CNTN4: variants seen among roughly 807,000 people sequenced by gnomAD.
CNTN4 encodes the protein contactin 4.
Under a neutral mutation model 122.5 loss-of-function variants are expected in CNTN4, and 77 were observed. The observed-to-expected ratio is 0.63, with a 90% CI of 0.52 to 0.76. The LOEUF (loss-of-function observed/expected upper bound fraction) is 0.76, where lower values mean the gene tolerates loss of function less well. Among genes scored for constraint, CNTN4 ranks in the 30% least tolerant of loss-of-function variants. The pLI is 0.00. For missense variants in CNTN4, 1,256 were observed against 1,259.1 expected (o/e 1.00, Z 0.04); for synonymous variants, 512 against 447.0 (o/e 1.15, Z -1.83).
chr3:2,131,226 T>C (rs1389302060), intron 2 of CNTN4, among the ~76,000 whole-genome samples: 1 of 152,142 alleles, frequency 6.6e-6, no homozygotes, highest in East Asian at 1.9e-4. Context: ...AGTAAGAAAG[T>C]GGTAGAGTTA....
chr3:2,428,515 T>C (rs2047932165), intron 3 of CNTN4, among the ~76,000 whole-genome samples: 1 of 152,208 alleles, frequency 6.6e-6, no homozygotes, highest in Non-Finnish European at 1.5e-5. Flanking sequence ...ATTTTTTCCT[T>C]CATTTCAACT....
chr3:2,647,065 G>C (rs1405423821), intron 4 of CNTN4, among the ~76,000 whole-genome samples: 1 of 152,042 alleles, frequency 6.6e-6, no homozygotes, highest in Non-Finnish European at 1.5e-5. Flanking sequence ...TTAAATGTAA[G>C]CATATCTGTG....
chr3:2,600,257 G>A (rs1004543752), intron 4 of CNTN4, among the ~76,000 whole-genome samples: 15 of 151,660 alleles, frequency 9.9e-5, no homozygotes, highest in African/African-American at 3.1e-4. Flanking sequence ...ACAACCTGCA[G>A]GTTTGTTACA....
At chr3:2,601,506 G>T (rs1350600287) in intron 4 of CNTN4, among the ~76,000 whole-genome samples, 1 of 152,096 alleles carries the variant, frequency 6.6e-6, no homozygotes, top group South Asian at 2.1e-4. Context: ...AGATCGGATG[G>T]TTATAGATGT....
intron 13 of CNTN4, among the ~76,000 whole-genome samples, chr3:2,960,345 C>A (rs2094840027): frequency 6.6e-6 from 1 of 152,146 alleles, no homozygotes; most frequent in African/African-American, 2.4e-5. Context: ...TCTATAGGTA[C>A]CGCACGGGCA....
Position 2,416,003 on chromosome 3 carries a change from A to G in CNTN4, c.-89+76770A>G, listed in dbSNP as rs146794437. ...AGGTGAATTGGCATGAGAATTGTTT[A>G]GTCAATCAATAGCCATTTAATAAGC... On this transcript the variant is annotated intron_variant, in intron 3 of 24. Coordinates refer to ENST00000418658, the MANE Select transcript of CNTN4 (RefSeq NM_175607.3). Among the ~76,000 whole-genome samples the G allele has an allele frequency of 1.5e-3, 230 of 152,282 alleles. 1 individual carries two copies. Among genetic ancestry groups the G allele is most frequent in the Middle Eastern group, 6.8e-3 (2 of 294 alleles).
At chr3:2,847,696 T>C (rs1291661827) in intron 7 of CNTN4, among the ~76,000 whole-genome samples, 1 of 152,144 alleles carries the variant, frequency 6.6e-6, no homozygotes, top group Non-Finnish European at 1.5e-5. Flanking sequence ...ATCAGGGGAA[T>C]ATTGAATGCT....
intron 2 of CNTN4, among the ~76,000 whole-genome samples, chr3:2,145,099 T>C (rs1203476549): frequency 2.0e-5 from 3 of 152,208 alleles, no homozygotes; most frequent in African/African-American, 7.2e-5. Flanking sequence ...TTTTCTCTTA[T>C]GAAAGAGAGT....
intron 6 of CNTN4, among the ~76,000 whole-genome samples, chr3:2,766,397 G>T (rs1199209839): frequency 6.6e-6 from 1 of 152,080 alleles, no homozygotes; most frequent in Non-Finnish European, 1.5e-5. Context: ...TATATATGAT[G>T]GAATACCACT....
intron 2 of CNTN4, among the ~76,000 whole-genome samples, chr3:2,107,786 A>G (rs575032109): frequency 6.6e-6 from 1 of 152,082 alleles, no homozygotes; most frequent in African/African-American, 2.4e-5. Context: ...TGGGGGTTTT[A>G]TTTGTTTGTT....
intron 3 of CNTN4, among the ~76,000 whole-genome samples, chr3:2,563,087 C>T (rs530000453): frequency 1.3e-5 from 2 of 152,092 alleles, no homozygotes; most frequent in Non-Finnish European, 2.9e-5. Flanking sequence ...AATGGTAGTT[C>T]TGTTTTAAAT....
chr3:3,047,844 T>G lies in CNTN4; in HGVS notation c.2811+4140T>G, dbSNP rs895241537. Among the ~76,000 whole-genome samples, 183 of 151,352 alleles carry G rather than the reference T, an allele frequency of 1.2e-3. 1 individual carries two copies. Among genetic ancestry groups the G allele is most frequent in the African/African-American group, 4.1e-3 (171 of 41,282 alleles). On this transcript the variant is annotated intron_variant, in intron 23 of 24. Transcript: ENST00000418658. ...AAAAATCAGTGAATCCAGGAGCTGG[T>G]TTTTTGAAAAGATCAACAAAATTGA...
chr3:2,536,393 C>T (rs957926315), intron 3 of CNTN4, among the ~76,000 whole-genome samples: 1 of 152,068 alleles, frequency 6.6e-6, no homozygotes, highest in Non-Finnish European at 1.5e-5. Context: ...TGATATTTGA[C>T]TTCATATACT....
At chr3:2,314,995 T>A (rs954905716) in intron 2 of CNTN4, among the ~76,000 whole-genome samples, 1 of 152,052 alleles carries the variant, frequency 6.6e-6, no homozygotes, top group African/African-American at 2.4e-5. Context: ...TCAGAGGTTT[T>A]CAATAAACAT....
intron 7 of CNTN4, among the ~76,000 whole-genome samples, chr3:2,827,674 T>C (rs1210806586): frequency 6.6e-6 from 1 of 152,242 alleles, no homozygotes; most frequent in Non-Finnish European, 1.5e-5. Context: ...TTAAAGACTT[T>C]ACAGTTAAGG....
At chr3:3,048,839 T>C (rs1412987319) in intron 23 of CNTN4, among the ~76,000 whole-genome samples, 2 of 152,194 alleles carry the variant, frequency 1.3e-5, no homozygotes, top group African/African-American at 4.8e-5. Context: ...AGATCTCAGC[T>C]TAGGTAGACA....
chr3:2,836,467 T>G (rs1398626235), intron 7 of CNTN4, among the ~76,000 whole-genome samples: 1 of 152,134 alleles, frequency 6.6e-6, no homozygotes, highest in Non-Finnish European at 1.5e-5. Flanking sequence ...AGGCACTATT[T>G]TAAAAGTTTT....
intron 7 of CNTN4, among the ~76,000 whole-genome samples, chr3:2,860,754 C>A (rs1465721491): frequency 6.6e-6 from 1 of 152,044 alleles, no homozygotes; most frequent in Non-Finnish European, 1.5e-5. Context: ...AAATGTCATC[C>A]AGAGGCCCCC....
chr3:2,821,593 T>A (rs1265143511), intron 7 of CNTN4, among the ~76,000 whole-genome samples: 1 of 152,128 alleles, frequency 6.6e-6, no homozygotes, highest in Non-Finnish European at 1.5e-5. Flanking sequence ...CTGGAAAATA[T>A]CATAATTTTA....
Sources: allele counts gnomAD v4.1 joint callset (sites outside exome capture counted in the v4.1 genomes callset), GRCh38; gene constraint gnomAD v4.1.1; transcripts MANE v1.5; gene names NCBI Gene and HGNC (gene_info 2026-07-23, HGNC 2026-07-21).